Variants in CACNA1D observed in about 807,000 individuals in gnomAD.
The protein encoded by CACNA1D is calcium voltage-gated channel subunit alpha1 D.
A neutral mutation model predicts 257.1 loss-of-function variants in CACNA1D; 55 were observed. The ratio of observed to expected loss-of-function variants is 0.21; its 90% confidence interval spans 0.17 to 0.27. The LOEUF is 0.27. Among genes scored for constraint, CACNA1D ranks in the 10% least tolerant of loss-of-function variants. The pLI, the probability that CACNA1D is intolerant of heterozygous loss-of-function variation, is 1.00. For synonymous variants in CACNA1D, 980 were observed against 1,014.9 expected (o/e 0.97, Z 0.65); for missense variants, 1,876 against 2,784.0 (o/e 0.67, Z 7.34).
chr3:53,581,722 A>G (rs2093136110), intron 3 of CACNA1D, among the ~76,000 whole-genome samples: 1 of 152,214 alleles, frequency 6.6e-6, no homozygotes, highest in East Asian at 1.9e-4. Context: ...CCAGGGTCCT[A>G]GGGCTGGATG....
rs1460363023 is a variant in CACNA1D, at chr3:53,749,101, G to T, written c.3315-167G>T. 3 of 704,122 alleles carry T rather than the reference G, an allele frequency of 4.3e-6. No homozygotes were observed. The Admixed American group carries it at 6.0e-5, about 14-fold the overall frequency. 43.6% of individuals were successfully genotyped at this position (704,122 alleles called of 1,614,324 possible). A position where few individuals can be genotyped will look rare whatever the true frequency, so the allele number is the denominator to read the frequency against. ...CCTCCTCTTAGTGCTGGCTGTTTGGGCCTGAGGCTGATGGGAGAGACCTGG... is the reference window on the plus strand; with the variant it reads ...CCTCCTCTTAGTGCTGGCTGTTTGGTCCTGAGGCTGATGGGAGAGACCTGG... On this transcript the variant is annotated intron_variant, in intron 26 of 47. Coordinates refer to ENST00000350061, the MANE Select transcript of CACNA1D (RefSeq NM_001128840.3).
intron 3 of CACNA1D, among the ~76,000 whole-genome samples, chr3:53,631,512 T>C (rs2093822511): frequency 6.6e-6 from 1 of 152,230 alleles, no homozygotes; most frequent in Non-Finnish European, 1.5e-5. Context: ...AAGTCATCCA[T>C]GAGGGTTGGA....
intron 46 of CACNA1D, chr3:53,809,081 T>A (rs1255377008): frequency 2.7e-6 from 1 of 376,776 alleles, no homozygotes; most frequent in South Asian, 3.2e-5. Flanking sequence ...CCTGATGTGA[T>A]CTGAGCTCAG....
intron 3 of CACNA1D, among the ~76,000 whole-genome samples, chr3:53,612,235 T>G (rs1329167093): frequency 2.0e-5 from 3 of 152,230 alleles, no homozygotes; most frequent in African/African-American, 7.2e-5. Context: ...CCTATTTTCC[T>G]TTTTCATGAC....
At position 53,810,063 on chromosome 3, in the gene CACNA1D, C is replaced by A; in HGVS notation, c.5957C>A (p.Ala1986Glu). ...HSTRSWATPP[A>E]TPPYRDWTPC... ...ACCCGGTCGTGGGCCACCCCTCCAG[C>A]AACCCCTCCCTACCGGGACTGGACA... The change falls in exon 47 of 48, where the codon GCA becomes GAA. Residue 1986 changes from alanine (A) to glutamate (E), a missense_variant. Ala to Glu is a moderately radical substitution (Grantham distance 107). Coordinates refer to ENST00000350061, the MANE Select transcript of CACNA1D (RefSeq NM_001128840.3). 6.2e-7 allele frequency: 1 copy of A among 1,614,002 alleles called. No homozygotes were observed. The highest frequency in any genetic ancestry group is 8.5e-7 in the Non-Finnish European group (1 of 1,180,014).
chr3:53,600,905 G>A (rs758592028), intron 3 of CACNA1D, among the ~76,000 whole-genome samples: 4 of 152,112 alleles, frequency 2.6e-5, no homozygotes, highest in Non-Finnish European at 5.9e-5. Flanking sequence ...CGTGATTCCC[G>A]TACATGTCCT....
chr3:53,573,674 G>A (rs747804567), intron 3 of CACNA1D, among the ~76,000 whole-genome samples: 1 of 152,196 alleles, frequency 6.6e-6, no homozygotes, highest in Non-Finnish European at 1.5e-5. Flanking sequence ...AGGGCAAGGA[G>A]TTTCTTCTGT....
chr3:53,558,334 C>CT (rs1277643927), intron 3 of CACNA1D, among the ~76,000 whole-genome samples: 3 of 152,016 alleles, frequency 2.0e-5, no homozygotes, highest in Non-Finnish European at 4.4e-5. Flanking sequence ...GATGTGAATT[C>CT]TTTTTTTGAA....
chr3:53,565,649 A>G lies in CACNA1D; in HGVS notation c.483+63929A>G, dbSNP rs148044054. On this transcript the variant is annotated intron_variant, in intron 3 of 47. Coordinates refer to ENST00000350061, the MANE Select transcript of CACNA1D (RefSeq NM_001128840.3). Reference sequence around the variant, plus strand: ...AATATACTGAGGAACTTCAAAAGGCATGTGGAACCTTGTGTAGTATGATTT... The same window carrying G: ...AATATACTGAGGAACTTCAAAAGGCGTGTGGAACCTTGTGTAGTATGATTT... Among the ~76,000 whole-genome samples, 299 of 152,356 alleles carry G rather than the reference A, an allele frequency of 2.0e-3. 1 individual carries two copies. The highest frequency in any genetic ancestry group is 3.4e-3 in the Middle Eastern group (1 of 294).
chr3:53,592,417 C>T (rs2093318234), intron 3 of CACNA1D, among the ~76,000 whole-genome samples: 1 of 152,042 alleles, frequency 6.6e-6, no homozygotes, highest in African/African-American at 2.4e-5. Context: ...GGCATCAGAA[C>T]ATAGAAGGCC....
intron 3 of CACNA1D, among the ~76,000 whole-genome samples, chr3:53,594,712 C>G (rs1354493452): frequency 4.6e-5 from 7 of 152,266 alleles, no homozygotes; most frequent in Non-Finnish European, 8.8e-5. Flanking sequence ...TGATCCCACT[C>G]TCTGCATGCA....
intron 3 of CACNA1D, among the ~76,000 whole-genome samples, chr3:53,609,168 T>C (rs2093551603): frequency 6.6e-6 from 1 of 152,168 alleles, no homozygotes; most frequent in Admixed American, 6.5e-5. Context: ...CCCAACACTT[T>C]GGGAGGCCAA....
chr3:53,574,681 C>T (rs1419773032), intron 3 of CACNA1D, among the ~76,000 whole-genome samples: 1 of 151,894 alleles, frequency 6.6e-6, no homozygotes, highest in Non-Finnish European at 1.5e-5. Flanking sequence ...TCACACCCCC[C>T]AGCAGACGGG....
chr3:53,547,123 A>G (rs1270881747), intron 3 of CACNA1D, among the ~76,000 whole-genome samples: 1 of 152,198 alleles, frequency 6.6e-6, no homozygotes, highest in Non-Finnish European at 1.5e-5. Context: ...TATTTGCTGA[A>G]TAAATGTCAA....
rs1351671951 is a variant in CACNA1D, at chr3:53,495,534, A to C, written c.67+301A>C. ...TTCGGGTTCAGTGTCCTCGGGCTCA[A>C]CTTTCCTTCAACGCCCCCGAGCGAT... On this transcript the variant is annotated intron_variant, in intron 1 of 47. Coordinates refer to ENST00000350061, the MANE Select transcript of CACNA1D (RefSeq NM_001128840.3). The surrounding 1 kb of genome is among the most constrained non-coding windows in gnomAD (Gnocchi z 5.1). Among the ~76,000 whole-genome samples, 1 of 152,052 alleles carries C rather than the reference A, an allele frequency of 6.6e-6. No individual in the cohort carries two copies. The highest frequency in any genetic ancestry group is 2.4e-5 in the African/African-American group (1 of 41,434).
intron 6 of CACNA1D, among the ~76,000 whole-genome samples, chr3:53,666,045 C>T (rs552215204): frequency 6.6e-6 from 1 of 152,178 alleles, no homozygotes; most frequent in South Asian, 2.1e-4. Context: ...AGATAAGAGA[C>T]CTCCAAAGTA....
At chr3:53,532,383 CCAATAGT>C (rs1290940992) in intron 3 of CACNA1D, among the ~76,000 whole-genome samples, 2 of 152,140 alleles carry the variant, frequency 1.3e-5, no homozygotes, top group East Asian at 3.9e-4. Flanking sequence ...GGCATTGTCT[CCAATAGT>C]CACAATCACA....
rs995189650 is a variant in CACNA1D at position 53,793,402 on chromosome 3, C to T, written c.4923+6450C>T. 2.0e-5 allele frequency among the ~76,000 whole-genome samples: 3 copies of T among 152,204 alleles called. No homozygotes were observed. Among genetic ancestry groups the T allele is most frequent in the African/African-American group, 7.2e-5 (3 of 41,444 alleles). On this transcript the variant is annotated intron_variant, in intron 40 of 47. Coordinates refer to ENST00000350061, the MANE Select transcript of CACNA1D (RefSeq NM_001128840.3). The surrounding 1 kb of genome is among the most constrained non-coding windows in gnomAD (Gnocchi z 4.1). ...CACCCGACGTTGAGTTGATTCAGTGCTGAAGGATGGCACGTGCCTACCCCC... is the reference window on the plus strand; with the variant it reads ...CACCCGACGTTGAGTTGATTCAGTGTTGAAGGATGGCACGTGCCTACCCCC...
At chr3:53,582,586 G>C (rs1363012319) in intron 3 of CACNA1D, among the ~76,000 whole-genome samples, 1 of 152,094 alleles carries the variant, frequency 6.6e-6, no homozygotes, top group African/African-American at 2.4e-5. Context: ...ACAAGTAGTA[G>C]ATGAGAAGGG....
Sources: allele counts gnomAD v4.1 joint callset (sites outside exome capture counted in the v4.1 genomes callset), GRCh38; gene constraint gnomAD v4.1.1; non-coding constraint Gnocchi (gnomAD v3.1); transcripts MANE v1.5; gene names NCBI Gene and HGNC (gene_info 2026-07-23, HGNC 2026-07-21).